The following CNTN3 variants were observed in gnomAD, a reference collection of about 807,000 sequenced individuals.
The protein encoded by CNTN3 is contactin 3, also known as contactin-3.
CNTN3 carries 60 observed loss-of-function variants against 119.1 expected under a neutral mutation model. The ratio of observed to expected loss-of-function variants is 0.50; its 90% CI spans 0.41 to 0.62. The LOEUF is 0.62. Ranked by LOEUF, CNTN3 falls within the 20% of genes least tolerant of loss-of-function variation. The pLI, the probability that CNTN3 is intolerant of heterozygous loss-of-function variation, is 0.00. For synonymous variants in CNTN3, 450 were observed against 438.7 expected (o/e 1.03, Z -0.32); for missense variants, 1,101 against 1,242.4 (o/e 0.89, Z 1.71).
At chr3:74,511,399 A>G (rs1055548279) in intron 2 of CNTN3, among the ~76,000 whole-genome samples, 1 of 152,138 alleles carries the variant, frequency 6.6e-6, no homozygotes, top group Non-Finnish European at 1.5e-5. Context: ...TTCCTCCTGG[A>G]ATATTTTTGC....
chr3:74,444,135 C>T (rs578211496), intron 4 of CNTN3, among the ~76,000 whole-genome samples: 1 of 152,264 alleles, frequency 6.6e-6, no homozygotes, highest in Admixed American at 6.5e-5. Context: ...ACATGGATGT[C>T]TTCTTATAAT....
rs1022027909 is a variant in CNTN3 at position 74,290,869 on chromosome 3, TTTTA to T, written c.2517+4248_2517+4251del. Among the ~76,000 whole-genome samples the T allele has an allele frequency of 5.7e-4, 86 of 152,176 alleles. 1 individual carries two copies. The highest frequency in any genetic ancestry group is 8.8e-4 in the Non-Finnish European group (60 of 67,982). On this transcript the variant is annotated intron_variant, in intron 19 of 22. Transcript: ENST00000263665. ...ACTACGCCCGGCTAATTTTTTGTAT[TTTTA>T]TTTATTTATTTATTTTTACTTTTTT...
intron 1 of CNTN3, among the ~76,000 whole-genome samples, chr3:74,604,797 T>C (rs1704965571): frequency 6.6e-6 from 1 of 152,148 alleles, no homozygotes; most frequent in African/African-American, 2.4e-5. Context: ...ATAGGAATAC[T>C]GGGCATATAG....
chr3:74,366,776 G>GTATATATATATATA (rs1416469987), intron 8 of CNTN3, among the ~76,000 whole-genome samples: 48 of 35,596 alleles, frequency 1.3e-3, no homozygotes, highest in African/African-American at 6.2e-3. Context: ...GTGTGTGTGT[G>GTATATATATATATA]TGTGTATATA....
intron 1 of CNTN3, among the ~76,000 whole-genome samples, chr3:74,606,387 C>A (rs1575864797): frequency 6.6e-6 from 1 of 151,858 alleles, no homozygotes; most frequent in Non-Finnish European, 1.5e-5. Flanking sequence ...TTGGGATTAA[C>A]TCTATCCCCT....
In CNTN3 at chr3:74,267,397, A is replaced by T; in HGVS notation, c.2705-19T>A. 5 of 1,534,586 alleles carry T rather than the reference A, an allele frequency of 3.3e-6. No homozygotes were observed. Among genetic ancestry groups the T allele is most frequent in the Non-Finnish European group, 4.5e-6 (5 of 1,107,880 alleles). ...CTGGGAGCTTGAAATGCAAAATGAG[A>T]AATTTTAAAACAGATCGAAGTACAA... On this transcript the variant is annotated intron_variant, in intron 20 of 22. Transcript: ENST00000263665.
At chr3:74,535,644 C>T (rs1703754063) in intron 1 of CNTN3, among the ~76,000 whole-genome samples, 2 of 152,206 alleles carry the variant, frequency 1.3e-5, no homozygotes, top group South Asian at 4.1e-4. Flanking sequence ...ACAATGCGAG[C>T]CTGGGGCTGC....
intron 5 of CNTN3, among the ~76,000 whole-genome samples, chr3:74,396,786 G>A (rs1705068282): frequency 6.7e-6 from 1 of 150,280 alleles, no homozygotes; most frequent in Non-Finnish European, 1.5e-5. Context: ...AAGTGAGGGA[G>A]CTGTAGAAGA....
chr3:74,611,080 A>G (rs1705071843), intron 1 of CNTN3, among the ~76,000 whole-genome samples: 1 of 152,210 alleles, frequency 6.6e-6, no homozygotes, highest in Non-Finnish European at 1.5e-5. Flanking sequence ...TTACAAGCTG[A>G]GTTATAAAGG....
chr3:74,300,924 G>T (rs963815241), intron 16 of CNTN3, among the ~76,000 whole-genome samples: 3 of 152,114 alleles, frequency 2.0e-5, no homozygotes, highest in African/African-American at 4.8e-5. Flanking sequence ...TCCTATCAAT[G>T]ATTTTTTCTT....
At chr3:74,371,768 G>C (rs1325752641) in intron 5 of CNTN3, among the ~76,000 whole-genome samples, 3 of 152,064 alleles carry the variant, frequency 2.0e-5, no homozygotes, top group Admixed American at 6.6e-5. Flanking sequence ...ACTTGGCGAA[G>C]TTCTTTAACC....
At chr3:74,561,186 TAAAA>T (rs922360158) in intron 1 of CNTN3, among the ~76,000 whole-genome samples, 4 of 148,834 alleles carry the variant, frequency 2.7e-5, no homozygotes, top group Non-Finnish European at 5.9e-5. Flanking sequence ...AAAAAAAAAA[TAAAA>T]AAAAATAAAA....
chr3:74,430,684 C>A (rs1701768779), intron 4 of CNTN3, among the ~76,000 whole-genome samples: 2 of 151,980 alleles, frequency 1.3e-5, no homozygotes, highest in African/African-American at 4.8e-5. Context: ...TATGAGGGAT[C>A]CTTGTGGGAC....
intron 4 of CNTN3, among the ~76,000 whole-genome samples, chr3:74,436,385 C>G (rs71319851): frequency 6.6e-6 from 1 of 152,244 alleles, no homozygotes; most frequent in Non-Finnish European, 1.5e-5. Context: ...CACACCACAC[C>G]TACCCAGTAC....
rs1056600218 is a variant in CNTN3 at position 74,552,671 on chromosome 3, G to A, written c.-80-31479C>T. The stretch of plus-strand genomic sequence containing the variant: ...TCTCATCTCAAATTGTAATCCCCAC[G>A]TGTCAAGGAAGGGACCTGTAATCCC... On this transcript the variant is annotated intron_variant, in intron 1 of 22. Coordinates refer to ENST00000263665, the MANE Select transcript of CNTN3 (RefSeq NM_020872.3). Among the ~76,000 whole-genome samples the A allele has an allele frequency of 3.9e-5, 6 of 152,184 alleles. No homozygotes were observed. In the East Asian group the frequency reaches 5.8e-4, roughly 15 times the overall value.
chr3:74,451,613 G>A (rs187295407), intron 4 of CNTN3, among the ~76,000 whole-genome samples: 30 of 152,244 alleles, frequency 2.0e-4, no homozygotes, highest in African/African-American at 6.0e-4. Context: ...GAATGGTAAC[G>A]CCTAGGTTTT....
At chr3:74,348,083 A>G (rs1260910799) in intron 11 of CNTN3, among the ~76,000 whole-genome samples, 1 of 152,212 alleles carries the variant, frequency 6.6e-6, no homozygotes, top group Non-Finnish European at 1.5e-5. Flanking sequence ...TGTTATGCAG[A>G]CTGAGTAAGC....
At chr3:74,520,055 C>G (rs563145881) in intron 2 of CNTN3, among the ~76,000 whole-genome samples, 6 of 151,592 alleles carry the variant, frequency 4.0e-5, no homozygotes, top group African/African-American at 1.4e-4. Flanking sequence ...TGGCCTCATT[C>G]CGCACTCATT....
At chr3:74,293,181 G>A (rs1575703155) in intron 19 of CNTN3, among the ~76,000 whole-genome samples, 1 of 152,282 alleles carries the variant, frequency 6.6e-6, no homozygotes, top group East Asian at 1.9e-4. Context: ...GATTGAGTGG[G>A]TCCTGGGAGA....
Sources: gnomAD v4.1 joint callset for allele counts (sites outside exome capture counted in the v4.1 genomes callset) on GRCh38, gnomAD v4.1.1 for gene constraint, MANE v1.5 for transcripts, NCBI Gene and HGNC (gene_info 2026-07-23, HGNC 2026-07-21) for gene names.